The following PTH1R variants were observed in gnomAD, a reference collection of about 807,000 sequenced individuals.
PTH1R encodes parathyroid hormone/parathyroid hormone-related peptide receptor.
In PTH1R, 32 loss-of-function variants were observed where a neutral mutation model predicts 70.7. That is an observed-to-expected ratio of 0.45 (90% CI 0.34 to 0.61). PTH1R has a LOEUF of 0.61. Ranked by LOEUF, PTH1R falls within the 20% of genes least tolerant of loss-of-function variation. PTH1R has a pLI of 0.01. For missense variants in PTH1R, 626 were observed against 792.5 expected (o/e 0.79, Z 2.52); for synonymous variants, 329 against 324.8 (o/e 1.01, Z -0.14).
intron 3 of PTH1R, among the ~76,000 whole-genome samples, chr3:46,888,514 T>A (rs752742004): frequency 6.6e-5 from 10 of 151,886 alleles, no homozygotes; most frequent in Non-Finnish European, 1.3e-4. Context: ...AGAAGGAGAG[T>A]CCTCAGGAAA....
chr3:46,895,996 C>G, intron 5 of PTH1R, 127 bp downstream of exon 5: 1 of 1,254,544 alleles, frequency 8.0e-7, no homozygotes, highest in Non-Finnish European at 1.1e-6. Flanking sequence ...CAGCCACATC[C>G]CCAGGCAAGG....
rs1452575594 is a variant in PTH1R, at chr3:46,901,047, T to C, written c.1011T>C (p.Ala337=). Residue 337 remains alanine (A), a synonymous_variant, in exon 11 of 16, where the codon GCT becomes GCC. Transcript: ENST00000449590. This position sits in a 1 kb window ranked among gnomAD's most constrained non-coding sequence, Gnocchi z 7.3. ...CAGGTCTGCCCGCTGTCTTCGTGGC[T>C]GTGTGGGTCAGTGTCAGAGCTACCC... ...FGWGLPAVFV[A]VWVSVRATLA... 1 of 1,585,092 alleles carries C rather than the reference T, an allele frequency of 6.3e-7. No individual in the cohort carries two copies. Among genetic ancestry groups the C allele is most frequent in the African/African-American group, 1.3e-5 (1 of 74,808 alleles).
chr3:46,890,790 C>T (rs185872693), intron 3 of PTH1R, among the ~76,000 whole-genome samples: 2 of 152,244 alleles, frequency 1.3e-5, no homozygotes, highest in African/African-American at 4.8e-5. Context: ...TGTTAGCCAC[C>T]GTGCCGGGCC....
chr3:46,884,056 G>A lies in PTH1R; in HGVS notation c.75+422G>A, dbSNP rs543984152. On this transcript the variant is annotated intron_variant, in intron 3 of 15. Coordinates refer to ENST00000449590, the MANE Select transcript of PTH1R (RefSeq NM_000316.3). The surrounding 1 kb of genome is among the most constrained non-coding windows in gnomAD (Gnocchi z 4.8). ...TCCCGGACACAGGGAATGTAGGTCT[G>A]AGGTCAGAATCATCCAGGCAGGGGG... Among the ~76,000 whole-genome samples the A allele has an allele frequency of 1.1e-4, 16 of 152,340 alleles. No homozygotes were observed. The highest frequency in any genetic ancestry group is 3.1e-4 in the African/African-American group (13 of 41,574).
Position 46,895,725 on chromosome 3 carries a change from G to A in PTH1R, c.179-10G>A. 1 of 1,614,068 alleles carries A rather than the reference G, an allele frequency of 6.2e-7. No individual in the cohort carries two copies. Among genetic ancestry groups the A allele is most frequent in the Non-Finnish European group, 8.5e-7 (1 of 1,180,000 alleles). On this transcript the variant is annotated splice_polypyrimidine_tract_variant and intron_variant, in intron 4 of 15. Coordinates refer to ENST00000449590, the MANE Select transcript of PTH1R (RefSeq NM_000316.3). ...GCTGACAGCCATCATTACCACCCTG[G>A]TTTCTCCAGCCAGCATAATGGAATC...
chr3:46,879,087 G>C lies in PTH1R; in HGVS notation c.-106+1244G>C, dbSNP rs997843415. Among the ~76,000 whole-genome samples, 1 of 152,182 alleles carries C rather than the reference G, an allele frequency of 6.6e-6. No homozygotes were observed. Among genetic ancestry groups the C allele is most frequent in the Non-Finnish European group, 1.5e-5 (1 of 68,038 alleles). The stretch of plus-strand genomic sequence containing the variant: ...CCTCATGGTAGCACTTTAACCAGAG[G>C]CCCGAGGGTGAGAGAGATGATCTGT... On this transcript the variant is annotated intron_variant, in intron 1 of 15. Coordinates refer to ENST00000449590, the MANE Select transcript of PTH1R (RefSeq NM_000316.3). This position sits in a 1 kb window ranked among gnomAD's most constrained non-coding sequence, Gnocchi z 4.7.
chr3:46,901,152 T>A lies in PTH1R; in HGVS notation c.1049+67T>A, dbSNP rs2032092159. 6.6e-7 allele frequency: 1 copy of A among 1,520,262 alleles called. No individual in the cohort carries two copies. The highest frequency in any genetic ancestry group is 1.4e-5 in the African/African-American group (1 of 72,504). 94.2% of individuals were successfully genotyped at this position (1,520,262 alleles called of 1,614,324 possible). A position where few individuals can be genotyped will look rare whatever the true frequency, so the allele number is the denominator to read the frequency against. On this transcript the variant is annotated intron_variant, in intron 11 of 15. Transcript: ENST00000449590. This position sits in a 1 kb window ranked among gnomAD's most constrained non-coding sequence, Gnocchi z 7.3. Reference sequence around the variant, plus strand: ...TGGGTCCCTTTTCTTCCAGGAAGCATGTGAGAGGGCCTCCTGTACCCTGGC... The same window carrying A: ...TGGGTCCCTTTTCTTCCAGGAAGCAAGTGAGAGGGCCTCCTGTACCCTGGC...
At chr3:46,897,423 C>T (rs189054566) in intron 5 of PTH1R, among the ~76,000 whole-genome samples, 2 of 152,338 alleles carry the variant, frequency 1.3e-5, no homozygotes, top group Admixed American at 6.5e-5. Flanking sequence ...GCACACCTGT[C>T]CCTGCAGGAA....
chr3:46,894,883 G>A (rs2031646412), intron 4 of PTH1R, among the ~76,000 whole-genome samples: 1 of 151,796 alleles, frequency 6.6e-6, no homozygotes, highest in Non-Finnish European at 1.5e-5. Flanking sequence ...GCAACATAGT[G>A]AGACCCCATC....
intron 10 of PTH1R, among the ~76,000 whole-genome samples, chr3:46,900,304 C>T (rs938148707): frequency 9.9e-5 from 15 of 152,152 alleles, no homozygotes; most frequent in African/African-American, 3.4e-4. Flanking sequence ...AGTGGACTGG[C>T]GACATGCAGA....
In PTH1R at chr3:46,882,350, T is replaced by A. The variant is rs1475900206; in HGVS notation, c.-48-1162T>A. On this transcript the variant is annotated intron_variant, in intron 2 of 15. Coordinates refer to ENST00000449590, the MANE Select transcript of PTH1R (RefSeq NM_000316.3). This position sits in a 1 kb window ranked among gnomAD's most constrained non-coding sequence, Gnocchi z 4.3. The stretch of plus-strand genomic sequence containing the variant: ...AGGCCAGGCCGGCCAGCGGGGGGTA[T>A]CCCGAGAGCTCCATGAAGTCCCCCC... 6.6e-6 allele frequency: 1 copy of A among 151,004 alleles called. No individual in the cohort carries two copies. Among genetic ancestry groups the A allele is most frequent in the African/African-American group, 2.4e-5 (1 of 41,014 alleles). 9.4% of individuals were successfully genotyped at this position (151,004 alleles called of 1,614,324 possible). A position where few individuals can be genotyped will look rare whatever the true frequency, so the allele number is the denominator to read the frequency against.
intron 4 of PTH1R, 84 bp from the exon 5 acceptor site, chr3:46,895,651 A>AG (rs1199580038): frequency 3.7e-5 from 59 of 1,599,016 alleles, no homozygotes; most frequent in Non-Finnish European, 8.6e-7. Flanking sequence ...CATTGTACAA[A>AG]GGGGGAGTCT....
Position 46,903,523 on chromosome 3 carries a change from C to T in PTH1R, c.1649C>T (p.Thr550Ile). ...PGTPALETLE[T>I]TPPAMAAPKD... ...ACCCCAGCCCTGGAGACCCTCGAGA[C>T]CACACCACCTGCCATGGCTGCTCCC... Residue 550 changes from threonine (T) to isoleucine (I), a missense_variant, in exon 16 of 16, where the codon ACC (threonine) becomes ATC (isoleucine). By Grantham distance (89) the Thr-to-Ile change is moderately conservative. Transcript: ENST00000449590. This position sits in a 1 kb window ranked among gnomAD's most constrained non-coding sequence, Gnocchi z 4.4. 1 of 1,614,006 alleles carries T rather than the reference C, an allele frequency of 6.2e-7. No homozygotes were observed.
intron 2 of PTH1R, among the ~76,000 whole-genome samples, chr3:46,881,372 T>A (rs1320909356): frequency 6.6e-6 from 1 of 152,034 alleles, no homozygotes; most frequent in African/African-American, 2.4e-5. Flanking sequence ...CGCGGACTCC[T>A]CCTTGCCTTC....
chr3:46,903,156 T>A lies in PTH1R; in HGVS notation c.1396-114T>A. ...ATGGGATTTCACTTGGCCTTGGAGTTTCCCAGGAGTCCCCTATTCCCATTT... is the reference window on the plus strand; with the variant it reads ...ATGGGATTTCACTTGGCCTTGGAGTATCCCAGGAGTCCCCTATTCCCATTT... On this transcript the variant is annotated intron_variant, in intron 15 of 15. Transcript: ENST00000449590. The surrounding 1 kb of genome is among the most constrained non-coding windows in gnomAD (Gnocchi z 4.4). The A allele has an allele frequency of 6.5e-7, 1 of 1,535,442 alleles. No homozygotes were observed. Among genetic ancestry groups the A allele is most frequent in the Non-Finnish European group, 8.8e-7 (1 of 1,136,090 alleles).
chr3:46,891,603 AG>A lies in PTH1R; in HGVS notation c.76-2299del, dbSNP rs1473074019. ...TGGCAGAAGAAGAAGGATAGTGGGG[AG>A]GGGGTAAGACAACAAGATGGCAAAG... On this transcript the variant is annotated intron_variant, in intron 3 of 15. Coordinates refer to ENST00000449590, the MANE Select transcript of PTH1R (RefSeq NM_000316.3). The surrounding 1 kb of genome is among the most constrained non-coding windows in gnomAD (Gnocchi z 4.3). Among the ~76,000 whole-genome samples, 1 of 152,202 alleles carries A rather than the reference AG, an allele frequency of 6.6e-6. No individual in the cohort carries two copies. Among genetic ancestry groups the A allele is most frequent in the Non-Finnish European group, 1.5e-5 (1 of 68,012 alleles).
chr3:46,897,986 T>G (rs1308793478), intron 6 of PTH1R, 21 bp downstream of exon 6: 6 of 1,613,196 alleles, frequency 3.7e-6, no homozygotes, highest in Non-Finnish European at 5.1e-6. Flanking sequence ...CTGGAAGGGG[T>G]GGGGATTACA....
At position 46,879,007 on chromosome 3, in the gene PTH1R, C is replaced by T. The variant is rs1309931219; in HGVS notation, c.-106+1164C>T. Reference sequence around the variant, plus strand: ...CCTGGGGCGTGCTTGTCAAAAAGGGCAAGCTGACTCTGCCAGGTGCTTGGG... The same window carrying T: ...CCTGGGGCGTGCTTGTCAAAAAGGGTAAGCTGACTCTGCCAGGTGCTTGGG... On this transcript the variant is annotated intron_variant, in intron 1 of 15. Transcript: ENST00000449590. The surrounding 1 kb of genome is among the most constrained non-coding windows in gnomAD (Gnocchi z 4.7). 6.6e-6 allele frequency among the ~76,000 whole-genome samples: 1 copy of T among 152,220 alleles called. No homozygotes were observed. Among genetic ancestry groups the T allele is most frequent in the Non-Finnish European group, 1.5e-5 (1 of 68,034 alleles).
At chr3:46,898,316 C>T (rs893390478) in intron 7 of PTH1R, 62 bp from the exon 8 acceptor site, 30 of 1,590,850 alleles carry the variant, frequency 1.9e-5, no homozygotes, top group Non-Finnish European at 4.3e-6. Flanking sequence ...GCCTCTTGCT[C>T]TTACCCTGAT....
Sources: allele counts gnomAD v4.1 joint callset (sites outside exome capture counted in the v4.1 genomes callset), GRCh38; gene constraint gnomAD v4.1.1; non-coding constraint Gnocchi (gnomAD v3.1); transcripts MANE v1.5; gene names NCBI Gene and HGNC (gene_info 2026-07-23, HGNC 2026-07-21).